SCRN1: variants seen among roughly 807,000 people sequenced by gnomAD.
The protein encoded by SCRN1 is secernin-1.
Under a neutral mutation model 43.3 loss-of-function variants are expected in SCRN1, and 19 were observed. The observed-to-expected ratio is 0.44, with a 90% CI of 0.31 to 0.64. The LOEUF (loss-of-function observed/expected upper bound fraction) is 0.64. Among genes scored for constraint, SCRN1 ranks in the 30% least tolerant of loss-of-function variants. The pLI is 0.09. For synonymous variants in SCRN1, 183 were observed against 188.9 expected (o/e 0.97, Z 0.26); for missense variants, 447 against 524.1 (o/e 0.85, Z 1.44).
At position 29,936,731 on chromosome 7, in the gene SCRN1, C is replaced by T; in HGVS notation, c.740-10G>A. 1 of 1,523,440 alleles carries T rather than the reference C, an allele frequency of 6.6e-7. No homozygotes were observed. The highest frequency in any genetic ancestry group is 1.4e-5 in the African/African-American group (1 of 73,492). 94.4% of individuals were successfully genotyped at this position (1,523,440 alleles called of 1,614,324 possible). On this transcript the variant is annotated splice_polypyrimidine_tract_variant and intron_variant, in intron 5 of 7. Transcript: ENST00000242059. ...TGCACTGTGATGCTTTCTGCAAAAA[C>T]ACAAAAGACAGACAAATGGAAAGAG...
chr7:29,947,109 G>A (rs1470642826), intron 3 of SCRN1: 1 of 1,446,140 alleles, frequency 6.9e-7, no homozygotes, highest in Non-Finnish European at 9.2e-7. Context: ...GAAACTCAAT[G>A]GGCCAAGGTT....
rs1788103823 is a variant in SCRN1 at position 29,955,423 on chromosome 7, G to C, written c.160-63C>G. The C allele has an allele frequency of 1.1e-5, 16 of 1,491,478 alleles. No homozygotes were observed. In the South Asian group the frequency reaches 2.0e-4, roughly 18 times the overall value. The allele number at this position is 1,491,478 out of a possible 1,614,324, so 92.4% of individuals were successfully genotyped here. On this transcript the variant is annotated intron_variant, in intron 2 of 7. Coordinates refer to ENST00000242059, the MANE Select transcript of SCRN1 (RefSeq NM_014766.5). ...GTCAGGTACCACCTCATTTCTGCCT[G>C]GGTACTTATACTGAACCATCATATT...
chr7:29,950,404 C>G lies in SCRN1; in HGVS notation c.341+4775G>C, dbSNP rs1209761975. On this transcript the variant is annotated intron_variant, in intron 3 of 7. Transcript: ENST00000242059. This position sits in a 1 kb window ranked among gnomAD's most constrained non-coding sequence, Gnocchi z 4.5. The stretch of plus-strand genomic sequence containing the variant: ...CTCAGTGTGGGCCTGCCAGTGCCCC[C>G]CAAGATGAAAAACCTGGACATCATG... Among the ~76,000 whole-genome samples the G allele has an allele frequency of 2.6e-5, 4 of 152,182 alleles. No individual in the cohort carries two copies. Among genetic ancestry groups the G allele is most frequent in the Non-Finnish European group, 5.9e-5 (4 of 68,024 alleles).
chr7:29,940,747 A>C lies in SCRN1; in HGVS notation c.674T>G (p.Val225Gly). 6.2e-7 allele frequency: 1 copy of C among 1,608,744 alleles called. No individual in the cohort carries two copies. The highest frequency in any genetic ancestry group is 8.5e-7 in the Non-Finnish European group (1 of 1,178,654). Residue 225 changes from valine to glycine, a missense_variant, in exon 5 of 8, where the codon GTC (valine) becomes GGC (glycine). Transcript: ENST00000242059. ...TGEGEFNFSE[V>G]FSPVEDHLDC... ...TAGATGATCCTCAACTGGAGAAAAG[A>C]CTTCGGAAAAATTGAACTCGCCCTC... is the stretch of plus-strand genomic sequence containing the variant.
intron 1 of SCRN1, among the ~76,000 whole-genome samples, chr7:29,971,034 A>T (rs1029609897): frequency 3.3e-5 from 5 of 152,198 alleles, no homozygotes; most frequent in Non-Finnish European, 5.9e-5. Context: ...CTCAAGAAAC[A>T]TTATCTAGTG....
chr7:29,951,326 T>G (rs1273537546), intron 3 of SCRN1, among the ~76,000 whole-genome samples: 1 of 152,162 alleles, frequency 6.6e-6, no homozygotes, highest in African/African-American at 2.4e-5. Context: ...ACACACCCCT[T>G]TCCTCTCTGC....
chr7:29,968,072 A>G (rs936238734), intron 2 of SCRN1, among the ~76,000 whole-genome samples: 4 of 152,248 alleles, frequency 2.6e-5, no homozygotes, highest in African/African-American at 9.6e-5. Flanking sequence ...AATACTGACA[A>G]AAATAGTATT....
At chr7:29,988,880 T>G (rs1440467609) in intron 1 of SCRN1, 1 of 152,276 alleles carries the variant, frequency 6.6e-6, no homozygotes, top group Non-Finnish European at 1.5e-5. Flanking sequence ...GCGCCCCTCC[T>G]GCTTTGCAGA....
rs1485419792 is a variant in SCRN1, at chr7:29,965,973, A to C, written c.159+2936T>G. 2.0e-5 allele frequency among the ~76,000 whole-genome samples: 3 copies of C among 152,146 alleles called. No homozygotes were observed. Among genetic ancestry groups the C allele is most frequent in the Admixed American group, 1.3e-4 (2 of 15,276 alleles). On this transcript the variant is annotated intron_variant, in intron 2 of 7. Coordinates refer to ENST00000242059, the MANE Select transcript of SCRN1 (RefSeq NM_014766.5). This position sits in a 1 kb window ranked among gnomAD's most constrained non-coding sequence, Gnocchi z 4.2. Reference sequence around the variant, plus strand: ...GTATGGCTACTTAACAAATTACCCCAAAATTTAGTGGTGTAAAACAACTTT... The same window carrying C: ...GTATGGCTACTTAACAAATTACCCCCAAATTTAGTGGTGTAAAACAACTTT...
chr7:29,955,107 A>G (rs1275970058), intron 3 of SCRN1, 72 bp downstream of exon 3: 36 of 1,341,792 alleles, frequency 2.7e-5, no homozygotes, highest in South Asian at 4.0e-5. Context: ...TGCAAGGTTT[A>G]GGGAGAAATA....
At chr7:29,943,886 T>A in intron 4 of SCRN1, 91 bp downstream of exon 4, 1 of 1,235,840 alleles carries the variant, frequency 8.1e-7, no homozygotes, top group Non-Finnish European at 1.2e-6. Flanking sequence ...ACGGCACGTC[T>A]TTCTTCCAGG....
At chr7:29,925,640 C>T (rs1178736877) in intron 7 of SCRN1, among the ~76,000 whole-genome samples, 1 of 152,116 alleles carries the variant, frequency 6.6e-6, no homozygotes, top group Non-Finnish European at 1.5e-5. Flanking sequence ...GAATTGATGA[C>T]TTATCACTTT....
intron 1 of SCRN1, among the ~76,000 whole-genome samples, chr7:29,988,426 T>C (rs989722055): frequency 6.6e-6 from 1 of 152,168 alleles, no homozygotes; most frequent in Admixed American, 6.5e-5. Flanking sequence ...TGCAGCACCC[T>C]AAAATCTAGC....
rs988250390 is a variant in SCRN1, at chr7:29,922,417, G to C, written c.*1540C>G. The C allele has an allele frequency of 6.6e-6, 1 of 152,194 alleles. No individual in the cohort carries two copies. Among genetic ancestry groups the C allele is most frequent in the Non-Finnish European group, 1.5e-5 (1 of 68,050 alleles). 9.4% of individuals were successfully genotyped at this position (152,194 alleles called of 1,614,324 possible). A position where few individuals can be genotyped will look rare whatever the true frequency, so the allele number is the denominator to read the frequency against. On this transcript the variant is annotated 3_prime_UTR_variant, in exon 8 of 8. Transcript: ENST00000242059. ...ATCTCATGATACAGCTTCTGGGAAG[G>C]AGTTATTAACCCTGTCACTTCCCAG... is the stretch of plus-strand genomic sequence containing the variant.
chr7:29,957,948 A>T lies in SCRN1; in HGVS notation c.160-2588T>A, dbSNP rs527748078. ...TTGCCTGATTAAAAAAATGTTGACA[A>T]TTGAATCAAAAAGACCAGATGGTCT... is the stretch of plus-strand genomic sequence containing the variant. On this transcript the variant is annotated intron_variant, in intron 2 of 7. Coordinates refer to ENST00000242059, the MANE Select transcript of SCRN1 (RefSeq NM_014766.5). Among the ~76,000 whole-genome samples, 6 of 152,316 alleles carry T rather than the reference A, an allele frequency of 3.9e-5. No individual in the cohort carries two copies. In the East Asian group the frequency reaches 1.2e-3, roughly 29 times the overall value.
intron 1 of SCRN1, among the ~76,000 whole-genome samples, chr7:29,983,454 A>T (rs897591863): frequency 2.1e-4 from 28 of 131,586 alleles, no homozygotes; most frequent in Non-Finnish European, 3.9e-4. Context: ...AAGTATAATT[A>T]AAAAAAAAAA....
intron 1 of SCRN1, among the ~76,000 whole-genome samples, chr7:29,975,780 T>C (rs1788810484): frequency 6.6e-6 from 1 of 152,254 alleles, no homozygotes; most frequent in Admixed American, 6.5e-5. Flanking sequence ...AGCAATACAC[T>C]GACAGTTCTA....
chr7:29,978,692 T>C (rs1282342671), intron 1 of SCRN1, among the ~76,000 whole-genome samples: 1 of 152,198 alleles, frequency 6.6e-6, no homozygotes, highest in African/African-American at 2.4e-5. Flanking sequence ...AAGAAAGAGT[T>C]GCATGAAAGT....
At chr7:29,974,839 G>A (rs949463582) in intron 1 of SCRN1, among the ~76,000 whole-genome samples, 5 of 151,660 alleles carry the variant, frequency 3.3e-5, no homozygotes, top group Admixed American at 6.6e-5. Context: ...GCATACCACC[G>A]TGCCCAGCTA....
Sources: allele counts gnomAD v4.1 joint callset (sites outside exome capture counted in the v4.1 genomes callset), GRCh38; gene constraint gnomAD v4.1.1; non-coding constraint Gnocchi (gnomAD v3.1); transcripts MANE v1.5; gene names NCBI Gene and HGNC (gene_info 2026-07-23, HGNC 2026-07-21).